Variants in RELN observed in about 807,000 individuals in gnomAD.
RELN encodes reelin.
Under a neutral mutation model 427.6 loss-of-function variants are expected in RELN, and 108 were observed. The observed-to-expected ratio is 0.25, with a 90% CI of 0.22 to 0.30. The LOEUF (loss-of-function observed/expected upper bound fraction) is 0.30, where lower values mean the gene tolerates loss of function less well. RELN is among the 10% of genes least tolerant of loss of function. The probability of loss-of-function intolerance (pLI) is 1.00; values close to 1 mark genes in which losing one functional copy is unlikely to be tolerated. For missense variants in RELN, 3,715 were observed against 4,302.8 expected, an observed-to-expected ratio of 0.86 and a Z score of 3.82; for synonymous variants, 1,524 against 1,513.4, an observed-to-expected ratio of 1.01 and a Z score of -0.16.
intron 51 of RELN, among the ~76,000 whole-genome samples, chr7:103,507,420 T>C (rs1174278250): frequency 6.6e-6 from 1 of 152,132 alleles, no homozygotes; most frequent in Non-Finnish European, 1.5e-5. Context: ...AACAATCTGC[T>C]CCTGAATGAC....
intron 63 of RELN, among the ~76,000 whole-genome samples, chr7:103,482,440 C>A (rs1031919541): frequency 2.6e-4 from 39 of 152,196 alleles, no homozygotes; most frequent in Admixed American, 2.6e-4. Flanking sequence ...GTTCTAGTTG[C>A]AACCACATCA....
chr7:103,495,852 T>A lies in RELN; in HGVS notation c.9240A>T (p.Val3080=). Residue 3080 remains valine, a synonymous_variant, in exon 57 of 65, where the codon GTA becomes GTT. Transcript: ENST00000428762. ...EENWSFYPNA[V]RTAGFCGNPS... ...GATTGCCACAAAATCCTGCTGTCCT[T>A]ACAGCATTAGGGTAAAAACTCCAGT... 1 of 1,613,888 alleles carries A rather than the reference T, an allele frequency of 6.2e-7. No individual in the cohort carries two copies.
intron 6 of RELN, among the ~76,000 whole-genome samples, chr7:103,746,714 A>G (rs1200371327): frequency 6.6e-6 from 1 of 151,698 alleles, no homozygotes; most frequent in African/African-American, 2.4e-5. Context: ...CCACAATGAG[A>G]TACCATCTCA....
intron 11 of RELN, among the ~76,000 whole-genome samples, chr7:103,663,480 G>A (rs1398770778): frequency 6.6e-6 from 1 of 152,120 alleles, no homozygotes; most frequent in Non-Finnish European, 1.5e-5. Flanking sequence ...CCTGTCCTCT[G>A]AGACAATTCA....
At chr7:103,494,365 TTGTGTG>T (rs58533286) in intron 57 of RELN, among the ~76,000 whole-genome samples, 10 of 118,306 alleles carry the variant, frequency 8.5e-5, no homozygotes, top group Admixed American at 3.4e-4. Context: ...GTAATGACTT[TTGTGTG>T]TGTGTGTGTG....
chr7:103,928,730 CT>C (rs1795798290), intron 1 of RELN, among the ~76,000 whole-genome samples: 1 of 152,136 alleles, frequency 6.6e-6, no homozygotes, highest in African/African-American at 2.4e-5. Flanking sequence ...TCTTAGGAGA[CT>C]TCATGTATGC....
At chr7:103,954,508 G>C (rs1044090234) in intron 1 of RELN, among the ~76,000 whole-genome samples, 18 of 152,078 alleles carry the variant, frequency 1.2e-4, no homozygotes, top group Admixed American at 2.0e-4. Flanking sequence ...TTGGGAAAAA[G>C]ACTTCAATTC....
chr7:103,787,317 AG>A (rs1792042279), intron 3 of RELN, among the ~76,000 whole-genome samples: 1 of 152,122 alleles, frequency 6.6e-6, no homozygotes, highest in Non-Finnish European at 1.5e-5. Context: ...CAAATTCAAA[AG>A]CTAACAGAAG....
chr7:103,947,655 A>C (rs1203085682), intron 1 of RELN, among the ~76,000 whole-genome samples: 3 of 152,212 alleles, frequency 2.0e-5, no homozygotes, highest in African/African-American at 7.2e-5. Context: ...CCCAGTTTGT[A>C]GTACTTTGTT....
intron 12 of RELN, among the ~76,000 whole-genome samples, chr7:103,661,060 G>C (rs549242273): frequency 2.6e-5 from 4 of 152,274 alleles, no homozygotes; most frequent in South Asian, 2.1e-4. Flanking sequence ...CTGGGAAAAA[G>C]AAATCGCTTT....
At chr7:103,522,604 G>A (rs1411606393) in intron 47 of RELN, among the ~76,000 whole-genome samples, 2 of 152,148 alleles carry the variant, frequency 1.3e-5, no homozygotes, top group Non-Finnish European at 2.9e-5. Context: ...AGGGGCCATG[G>A]TGCTAACAGC....
In RELN at chr7:103,767,091, A is replaced by G. The variant is rs78241581; in HGVS notation, c.544+9466T>C. 1.5e-3 allele frequency among the ~76,000 whole-genome samples: 233 copies of G among 152,252 alleles called. 3 individuals carry two copies. In the East Asian group the frequency reaches 0.041, roughly 27 times the overall value. On this transcript the variant is annotated intron_variant, in intron 4 of 64. Coordinates refer to ENST00000428762, the MANE Select transcript of RELN (RefSeq NM_005045.4). ...GAAGCCCACAGGCCAATGAATATAC[A>G]CACACACATGATTATTTTCCCTGCT...
At position 103,562,094 on chromosome 7, in the gene RELN, T is replaced by G. The variant is rs999942075; in HGVS notation, c.5211-141A>C. ...GTTCTCTCTTTCTTGACGTACTTTA[T>G]TTTCCTACTAAGTAGTAAGAAATGC... On this transcript the variant is annotated intron_variant, in intron 34 of 64. Coordinates refer to ENST00000428762, the MANE Select transcript of RELN (RefSeq NM_005045.4). 4.1e-6 allele frequency: 4 copies of G among 967,466 alleles called. No homozygotes were observed. In the African/African-American group the frequency reaches 6.6e-5, roughly 16 times the overall value. The allele number at this position is 967,466 out of a possible 1,614,324, so 59.9% of individuals were successfully genotyped here.
At chr7:103,803,752 A>T (rs1212105922) in intron 3 of RELN, among the ~76,000 whole-genome samples, 1 of 152,096 alleles carries the variant, frequency 6.6e-6, no homozygotes, top group Non-Finnish European at 1.5e-5. Context: ...TCTTGATGAC[A>T]ACCTTGACTA....
intron 2 of RELN, among the ~76,000 whole-genome samples, chr7:103,900,856 A>C (rs937365433): frequency 1.3e-5 from 2 of 151,984 alleles, no homozygotes; most frequent in African/African-American, 4.8e-5. Context: ...ATGGATCAAA[A>C]ACTTAAATGT....
At chr7:103,576,953 C>T (rs73714459) in intron 28 of RELN, among the ~76,000 whole-genome samples, 1,877 of 152,232 alleles carry the variant, frequency 0.012, 52 homozygotes, top group African/African-American at 0.044. Context: ...CGTGCACACA[C>T]GCACACACAC....
At chr7:103,727,695 G>T (rs1427795115) in intron 7 of RELN, among the ~76,000 whole-genome samples, 1 of 152,106 alleles carries the variant, frequency 6.6e-6, no homozygotes, top group Non-Finnish European at 1.5e-5. Flanking sequence ...CTATGGCTAT[G>T]AACCAAAGTT....
chr7:103,485,194 G>A (rs1048607414), intron 61 of RELN, among the ~76,000 whole-genome samples: 4 of 136,198 alleles, frequency 2.9e-5, no homozygotes, highest in East Asian at 2.2e-4. Flanking sequence ...AAAACACCAG[G>A]TTATCTCTAG....
rs576733039 is a variant in RELN at position 103,953,044 on chromosome 7, G to T, written c.227-35859C>A. 4.6e-4 allele frequency among the ~76,000 whole-genome samples: 70 copies of T among 152,162 alleles called. No homozygotes were observed. The highest frequency in any genetic ancestry group is 1.6e-3 in the African/African-American group (66 of 41,506). On this transcript the variant is annotated intron_variant, in intron 1 of 64. Coordinates refer to ENST00000428762, the MANE Select transcript of RELN (RefSeq NM_005045.4). This position sits in a 1 kb window ranked among gnomAD's most constrained non-coding sequence, Gnocchi z 4.3. Reference sequence around the variant, plus strand: ...GCATTCACCTCCCAATGTGCCTTATGATGGTGACTAGCCACCAACGTCTGG... The same window carrying T: ...GCATTCACCTCCCAATGTGCCTTATTATGGTGACTAGCCACCAACGTCTGG...
Sources: allele counts gnomAD v4.1 joint callset (sites outside exome capture counted in the v4.1 genomes callset), GRCh38; gene constraint gnomAD v4.1.1; non-coding constraint Gnocchi (gnomAD v3.1); transcripts MANE v1.5; gene names NCBI Gene and HGNC (gene_info 2026-07-23, HGNC 2026-07-21).